The following DLGAP2 variants were observed in gnomAD, a reference collection of about 807,000 sequenced individuals.
The protein encoded by DLGAP2 is DLG associated protein 2, also known as disks large-associated protein 2.
DLGAP2 carries 26 observed loss-of-function variants against 100.3 expected under a neutral mutation model. The ratio of observed to expected loss-of-function variants is 0.26; its 90% confidence interval spans 0.19 to 0.36. The LOEUF (loss-of-function observed/expected upper bound fraction) is 0.36. DLGAP2 is among the 10% of genes least tolerant of loss of function. The pLI, the probability that DLGAP2 is intolerant of heterozygous loss-of-function variation, is 1.00. For synonymous variants in DLGAP2, 886 were observed against 630.1 expected, an observed-to-expected ratio of 1.41 and a Z score of -6.08; for missense variants, 1,858 against 1,453.2, an observed-to-expected ratio of 1.28 and a Z score of -4.53.
intron 14 of DLGAP2, among the ~76,000 whole-genome samples, chr8:1,697,702 G>T (rs1239665554): frequency 2.6e-5 from 4 of 152,184 alleles, no homozygotes; most frequent in Admixed American, 2.6e-4. Flanking sequence ...GAAAGTTTTA[G>T]GCCTGGTTAT....
At chr8:1,071,128 C>T (rs1344729849) in intron 2 of DLGAP2, among the ~76,000 whole-genome samples, 3 of 152,222 alleles carry the variant, frequency 2.0e-5, no homozygotes, top group Non-Finnish European at 2.9e-5. Flanking sequence ...CACGGATTTG[C>T]AGCTGACTGC....
chr8:813,533 C>G (rs1796409837), intron 1 of DLGAP2, among the ~76,000 whole-genome samples: 1 of 152,122 alleles, frequency 6.6e-6, no homozygotes, highest in Non-Finnish European at 1.5e-5. Context: ...TAGATTTCTT[C>G]AAACCTATTC....
At chr8:1,605,213 A>G (rs898007049) in intron 6 of DLGAP2, among the ~76,000 whole-genome samples, 3 of 152,170 alleles carry the variant, frequency 2.0e-5, no homozygotes, top group Admixed American at 2.0e-4. Context: ...ACAGAACCGA[A>G]TGCAAGCCCC....
At chr8:1,155,771 G>A (rs1314689262) in intron 2 of DLGAP2, among the ~76,000 whole-genome samples, 6 of 152,192 alleles carry the variant, frequency 3.9e-5, no homozygotes, top group African/African-American at 9.7e-5. Flanking sequence ...CGGTGGGGCT[G>A]GGACGCCCCG....
intron 2 of DLGAP2, among the ~76,000 whole-genome samples, chr8:1,193,390 T>C (rs1797680556): frequency 6.6e-6 from 1 of 152,198 alleles, no homozygotes; most frequent in Admixed American, 6.5e-5. Context: ...TGGTATCTCA[T>C]TGTGGTTTTG....
intron 2 of DLGAP2, among the ~76,000 whole-genome samples, chr8:1,058,381 A>G (rs917165971): frequency 6.6e-6 from 1 of 152,216 alleles, no homozygotes; most frequent in African/African-American, 2.4e-5. Context: ...GCTGCAGGCC[A>G]TGCTCTGCTG....
rs527987479 is a variant in DLGAP2, at chr8:1,425,553, C to A, written c.107-75813C>A. On this transcript the variant is annotated intron_variant, in intron 3 of 14. Coordinates refer to ENST00000637795, the MANE Select transcript of DLGAP2 (RefSeq NM_001346810.2). ...GCATCCCTGCAGGGGCCCCAGAAGG[C>A]GTTCCTCTGGATCCCTTGGAGCAGA... Among the ~76,000 whole-genome samples the A allele has an allele frequency of 1.3e-3, 195 of 152,270 alleles. 2 individuals carry two copies. The highest frequency in any genetic ancestry group is 4.5e-3 in the African/African-American group (188 of 41,562).
At chr8:836,318 G>A (rs1412641972) in intron 1 of DLGAP2, among the ~76,000 whole-genome samples, 1 of 152,234 alleles carries the variant, frequency 6.6e-6, no homozygotes, top group Non-Finnish European at 1.5e-5. Context: ...GCCATCGGGT[G>A]AGAAGATATC....
chr8:1,514,018 G>T (rs796813452), intron 4 of DLGAP2, among the ~76,000 whole-genome samples: 21 of 152,292 alleles, frequency 1.4e-4, no homozygotes, highest in African/African-American at 4.8e-4. Flanking sequence ...GTTATCTTAC[G>T]TGATATGGGG....
intron 3 of DLGAP2, among the ~76,000 whole-genome samples, chr8:1,498,455 T>A (rs1007748744): frequency 2.0e-5 from 3 of 151,880 alleles, no homozygotes; most frequent in Admixed American, 1.3e-4. Flanking sequence ...TGTGCCCGAG[T>A]CAGGTTGGAA....
At chr8:1,027,737 G>A (rs1326292208) in intron 2 of DLGAP2, among the ~76,000 whole-genome samples, 1 of 133,836 alleles carries the variant, frequency 7.5e-6, no homozygotes, top group African/African-American at 2.9e-5. Flanking sequence ...CTCCAGGTGG[G>A]GTGTCAGGCG....
chr8:1,448,002 A>C (rs1273282604), intron 3 of DLGAP2, among the ~76,000 whole-genome samples: 1 of 151,838 alleles, frequency 6.6e-6, no homozygotes, highest in Non-Finnish European at 1.5e-5. Context: ...TCTTGCTAGC[A>C]GTCTATCTAT....
At chr8:1,601,932 C>A (rs1796637676) in intron 6 of DLGAP2, among the ~76,000 whole-genome samples, 1 of 136,908 alleles carries the variant, frequency 7.3e-6, no homozygotes, top group Admixed American at 7.6e-5. Flanking sequence ...ATCCTAAAAC[C>A]TTAATTTAAC....
intron 1 of DLGAP2, among the ~76,000 whole-genome samples, chr8:753,091 C>T (rs796586647): frequency 3.9e-5 from 6 of 152,200 alleles, no homozygotes; most frequent in African/African-American, 1.4e-4. Flanking sequence ...TGCAAACCTG[C>T]AACCAGAGGT....
At chr8:1,264,297 CGG>C (rs1799408993) in intron 3 of DLGAP2, among the ~76,000 whole-genome samples, 5 of 152,028 alleles carry the variant, frequency 3.3e-5, no homozygotes, top group African/African-American at 1.2e-4. Flanking sequence ...GCTGGGGTTG[CGG>C]TCTGTGCCCT....
chr8:1,328,276 G>T (rs946466040), intron 3 of DLGAP2, among the ~76,000 whole-genome samples: 1 of 148,842 alleles, frequency 6.7e-6, no homozygotes, highest in Non-Finnish European at 1.5e-5. Context: ...TCCTGACCTC[G>T]TGATCCACCC....
intron 3 of DLGAP2, among the ~76,000 whole-genome samples, chr8:1,498,111 G>A (rs568521902): frequency 2.0e-5 from 3 of 152,288 alleles, no homozygotes; most frequent in South Asian, 2.1e-4. Context: ...AACATTTTCC[G>A]ATTGGCCATT....
At chr8:1,029,844 T>C (rs2129027645) in intron 2 of DLGAP2, among the ~76,000 whole-genome samples, 1 of 152,218 alleles carries the variant, frequency 6.6e-6, no homozygotes, top group Admixed American at 6.5e-5. Context: ...TGGGTTACTG[T>C]TCGAGCTGGG....
intron 6 of DLGAP2, among the ~76,000 whole-genome samples, chr8:1,590,043 G>A (rs1287072572): frequency 6.6e-6 from 1 of 152,182 alleles, no homozygotes; most frequent in East Asian, 1.9e-4. Context: ...CTCTAGGGGA[G>A]GATCCCTCCT....
Sources: allele counts gnomAD v4.1 joint callset (sites outside exome capture counted in the v4.1 genomes callset), GRCh38; gene constraint gnomAD v4.1.1; transcripts MANE v1.5; gene names NCBI Gene and HGNC (gene_info 2026-07-23, HGNC 2026-07-21).